CYRIA: variants seen among roughly 807,000 people sequenced by gnomAD.
CYRIA encodes the protein CYFIP related Rac1 interactor A.
A neutral mutation model predicts 43.9 loss-of-function variants in CYRIA; 15 were observed. That is an observed-to-expected ratio of 0.34 (90% CI 0.23 to 0.53). The LOEUF (loss-of-function observed/expected upper bound fraction) is 0.53, where lower values mean the gene tolerates loss of function less well. Among genes scored for constraint, CYRIA ranks in the 20% least tolerant of loss-of-function variants. The pLI is 0.94. For synonymous variants in CYRIA, 117 were observed against 136.0 expected (o/e 0.86, Z 0.97); for missense variants, 236 against 394.2 (o/e 0.60, Z 3.40).
intron 2 of CYRIA, among the ~76,000 whole-genome samples, chr2:16,599,730 T>C (rs1231800190): frequency 6.6e-6 from 1 of 151,946 alleles, no homozygotes; most frequent in Non-Finnish European, 1.5e-5. Context: ...CCGGAGCTGT[T>C]CCTATTCGGC....
chr2:16,611,753 C>T (rs1046817910), intron 2 of CYRIA, among the ~76,000 whole-genome samples: 5 of 134,676 alleles, frequency 3.7e-5, no homozygotes, highest in South Asian at 2.7e-4. Flanking sequence ...TGAGATCACA[C>T]GTACTGGGCG....
At chr2:16,558,819 A>G (rs1379527595) in intron 10 of CYRIA, among the ~76,000 whole-genome samples, 1 of 151,224 alleles carries the variant, frequency 6.6e-6, no homozygotes, top group Non-Finnish European at 1.5e-5. Flanking sequence ...TGAGGGAGTC[A>G]GAAAATACAG....
chr2:16,564,311 G>A (rs1223279472), intron 4 of CYRIA, among the ~76,000 whole-genome samples: 1 of 152,098 alleles, frequency 6.6e-6, no homozygotes, highest in East Asian at 1.9e-4. Context: ...ATTACATCCT[G>A]TGTCATCTTA....
chr2:16,604,952 G>A (rs918300691), intron 2 of CYRIA, among the ~76,000 whole-genome samples: 9 of 152,228 alleles, frequency 5.9e-5, no homozygotes, highest in African/African-American at 2.2e-4. Context: ...ATGAGTTAAT[G>A]GCTAAAGTGT....
In CYRIA at chr2:16,564,026, C is replaced by T; in HGVS notation, c.261G>A (p.Val87=). Residue 87 remains valine, a synonymous_variant, in exon 5 of 12, where the codon GTG becomes GTA. Transcript: ENST00000381323. The stretch of plus-strand genomic sequence containing the variant: ...AAAACTCGTAAAATCTCTTTAGCCT[C>T]ACAACAAGAGGGCACACCGCATTCC... ...KAWNAVCPLV[V]RLKRFYEFSI... 6.2e-7 allele frequency: 1 copy of T among 1,613,494 alleles called. No homozygotes were observed. Among genetic ancestry groups the T allele is most frequent in the Non-Finnish European group, 8.5e-7 (1 of 1,179,690 alleles).
intron 1 of CYRIA, among the ~76,000 whole-genome samples, chr2:16,655,259 C>T (rs911230932): frequency 2.0e-5 from 3 of 152,182 alleles, no homozygotes; most frequent in Admixed American, 6.5e-5. Flanking sequence ...TTGAGAATGC[C>T]TCTGGGCTTG....
chr2:16,621,220 A>G (rs761977745), intron 2 of CYRIA, among the ~76,000 whole-genome samples: 3 of 152,220 alleles, frequency 2.0e-5, no homozygotes, highest in Non-Finnish European at 4.4e-5. Context: ...CCAATAGTCT[A>G]TCATGTAAGT....
chr2:16,649,364 G>A (rs187994435), intron 1 of CYRIA, among the ~76,000 whole-genome samples: 658 of 152,142 alleles, frequency 4.3e-3, no homozygotes, highest in Non-Finnish European at 6.3e-3. Context: ...TACAGGGGAC[G>A]GTTGTACACT....
At chr2:16,587,592 T>C (rs149312024) in intron 3 of CYRIA, among the ~76,000 whole-genome samples, 112 of 152,216 alleles carry the variant, frequency 7.4e-4, no homozygotes, top group African/African-American at 1.7e-3. Flanking sequence ...ACTGATATGA[T>C]TTGGCTGTGT....
chr2:16,646,268 C>A (rs2103541700), intron 1 of CYRIA, among the ~76,000 whole-genome samples: 2 of 152,354 alleles, frequency 1.3e-5, no homozygotes. Flanking sequence ...TACCCTGTGG[C>A]TACAAGCAGC....
intron 10 of CYRIA, among the ~76,000 whole-genome samples, chr2:16,557,967 T>C (rs995147984): frequency 1.3e-5 from 2 of 152,146 alleles, no homozygotes; most frequent in African/African-American, 4.8e-5. Flanking sequence ...AAGGATACAG[T>C]AAAAATATTT....
At chr2:16,555,452 T>C (rs1011289714) in intron 10 of CYRIA, among the ~76,000 whole-genome samples, 1 of 152,116 alleles carries the variant, frequency 6.6e-6, no homozygotes, top group African/African-American at 2.4e-5. Flanking sequence ...TGCAGGGCCT[T>C]CCATCCACTC....
chr2:16,652,799 C>T lies in CYRIA; in HGVS notation c.-167+12981G>A, dbSNP rs537223402. Among the ~76,000 whole-genome samples, 6 of 152,276 alleles carry T rather than the reference C, an allele frequency of 3.9e-5. No homozygotes were observed. In the South Asian group the frequency reaches 8.3e-4, roughly 21 times the overall value. Reference sequence around the variant, plus strand: ...CCGGGGATTCTGAAGAAGCCCTCTTCCTCTGGACTCCAATTAACACTCTCC... The same window carrying T: ...CCGGGGATTCTGAAGAAGCCCTCTTTCTCTGGACTCCAATTAACACTCTCC... On this transcript the variant is annotated intron_variant, in intron 1 of 11. Coordinates refer to ENST00000381323, the MANE Select transcript of CYRIA (RefSeq NM_030797.4).
At chr2:16,620,910 T>TG (rs1294757387) in intron 2 of CYRIA, among the ~76,000 whole-genome samples, 1 of 152,138 alleles carries the variant, frequency 6.6e-6, no homozygotes, top group African/African-American at 2.4e-5. Flanking sequence ...CCTGGCTACA[T>TG]CTCATCTCCA....
chr2:16,602,350 T>C (rs1346934592), intron 2 of CYRIA, among the ~76,000 whole-genome samples: 1 of 152,056 alleles, frequency 6.6e-6, no homozygotes, highest in Non-Finnish European at 1.5e-5. Context: ...AATAAGGAAG[T>C]CCTGACTCAT....
At position 16,614,327 on chromosome 2, in the gene CYRIA, A is replaced by G. The variant is rs546318263; in HGVS notation, c.-11+9537T>C. Among the ~76,000 whole-genome samples, 10 of 152,292 alleles carry G rather than the reference A, an allele frequency of 6.6e-5. No individual in the cohort carries two copies. The East Asian group carries it at 1.7e-3, about 26-fold the overall frequency. ...AGAGAAGGCAGCAAAGTCCTCATGG[A>G]ACTTCCCTGTTTAGATTGATAAGCC... On this transcript the variant is annotated intron_variant, in intron 2 of 11. Transcript: ENST00000381323.
chr2:16,623,167 C>T (rs1025731445), intron 2 of CYRIA: 3 of 152,190 alleles, frequency 2.0e-5, no homozygotes, highest in Non-Finnish European at 4.4e-5. Context: ...TAATATACCA[C>T]AATCCAGGCA....
Position 16,549,586 on chromosome 2 carries a change from C to G in CYRIA, c.*3350G>C, listed in dbSNP as rs1262780947. 6.6e-6 allele frequency: 1 copy of G among 152,006 alleles called. No homozygotes were observed. The highest frequency in any genetic ancestry group is 2.4e-5 in the African/African-American group (1 of 41,388). 9.4% of individuals were successfully genotyped at this position (152,006 alleles called of 1,614,324 possible). A position where few individuals can be genotyped will look rare whatever the true frequency, so the allele number is the denominator to read the frequency against. On this transcript the variant is annotated 3_prime_UTR_variant, in exon 12 of 12. Transcript: ENST00000381323. Reference sequence around the variant, plus strand: ...CAACATATGAAAACTGCAAAACAGCCTTGGGTCTGTAATGGCCTTTATAGA... The same window carrying G: ...CAACATATGAAAACTGCAAAACAGCGTTGGGTCTGTAATGGCCTTTATAGA...
intron 2 of CYRIA, among the ~76,000 whole-genome samples, chr2:16,607,765 T>C (rs1558423874): frequency 6.6e-6 from 1 of 151,918 alleles, no homozygotes; most frequent in South Asian, 2.1e-4. Flanking sequence ...CCTGGCTAAT[T>C]TTCGTATTTT....
Sources: gnomAD v4.1 joint callset for allele counts (sites outside exome capture counted in the v4.1 genomes callset) on GRCh38, gnomAD v4.1.1 for gene constraint, MANE v1.5 for transcripts, NCBI Gene and HGNC (gene_info 2026-07-23, HGNC 2026-07-21) for gene names.